FLNB: variants seen among roughly 807,000 people sequenced by gnomAD.
The protein encoded by FLNB is filamin-B.
FLNB carries 111 observed loss-of-function variants against 250.6 expected under a neutral mutation model. That is an observed-to-expected ratio of 0.44 (90% CI 0.38 to 0.52). The LOEUF (loss-of-function observed/expected upper bound fraction) is 0.52, where lower values mean the gene tolerates loss of function less well. Ranked by LOEUF, FLNB falls within the 20% of genes least tolerant of loss-of-function variation. FLNB has a pLI of 0.00. For missense variants in FLNB, 2,869 were observed against 3,447.8 expected (o/e 0.83, Z 4.20); for synonymous variants, 1,302 against 1,372.1 (o/e 0.95, Z 1.13).
At chr3:58,078,872 G>C (rs2097205200) in intron 3 of FLNB, 58 bp downstream of exon 3, 1 of 1,367,816 alleles carries the variant, frequency 7.3e-7, no homozygotes, top group Non-Finnish European at 1.0e-6. Context: ...CTTGTTCTGT[G>C]GATGCCTTCC....
At chr3:58,115,980 G>C (rs1476442785) in intron 18 of FLNB, among the ~76,000 whole-genome samples, 2 of 152,046 alleles carry the variant, frequency 1.3e-5, no homozygotes, top group Non-Finnish European at 2.9e-5. Flanking sequence ...TCCTTAGATT[G>C]AATTTCCTTC....
chr3:58,039,765 A>G (rs2097143423), intron 1 of FLNB, among the ~76,000 whole-genome samples: 1 of 152,118 alleles, frequency 6.6e-6, no homozygotes. Flanking sequence ...GAATATCACC[A>G]TGATTTATTC....
chr3:58,092,642 T>C (rs1337501438), intron 4 of FLNB, among the ~76,000 whole-genome samples: 1 of 151,950 alleles, frequency 6.6e-6, no homozygotes, highest in Non-Finnish European at 1.5e-5. Flanking sequence ...TGAGACTTGG[T>C]CTCAAAACAA....
intron 45 of FLNB, among the ~76,000 whole-genome samples, chr3:58,170,299 A>G (rs2097379991): frequency 2.0e-5 from 3 of 152,154 alleles, no homozygotes; most frequent in South Asian, 4.1e-4. Context: ...TTCGTGAGGT[A>G]TGTGCTGTTC....
rs1192269799 is a variant in FLNB, at chr3:58,168,505, G to A, written c.7264G>A (p.Glu2422Lys). 4.3e-6 allele frequency: 7 copies of A among 1,614,004 alleles called. No homozygotes were observed. Among genetic ancestry groups the A allele is most frequent in the African/African-American group, 1.3e-5 (1 of 74,880 alleles). The change falls in exon 44 of 46, where the codon GAA (glutamate) becomes AAA (lysine). Residue 2422 changes from glutamate (E) to lysine (K), a missense_variant. This residue lies in a region of FLNB where 1,084 missense variants were observed against 1,315.5 expected (regional missense o/e 0.82). Transcript: ENST00000295956. ...TCCAGGGACATTATCCGTCACCATC[G>A]AAGGCCCATCCAAGGTTAAAATGGA... is the stretch of plus-strand genomic sequence containing the variant. ...AGPGTLSVTIEGPSKVKMDCQ... is the reference protein window; with the variant it reads ...AGPGTLSVTIKGPSKVKMDCQ...
chr3:58,016,467 C>CAT (rs200994030), intron 1 of FLNB, among the ~76,000 whole-genome samples: 5,266 of 148,872 alleles, frequency 0.035, 278 homozygotes, highest in African/African-American at 0.12. Context: ...GCCCCTTCCT[C>CAT]ATATATATAT....
chr3:58,117,666 G>A (rs778575066), intron 18 of FLNB, among the ~76,000 whole-genome samples: 3 of 151,086 alleles, frequency 2.0e-5, no homozygotes, highest in Non-Finnish European at 4.5e-5. Context: ...TCCCAGCTCT[G>A]TTGAATTTGA....
intron 26 of FLNB, among the ~76,000 whole-genome samples, chr3:58,133,436 G>GA (rs2097310959): frequency 1.9e-5 from 1 of 51,440 alleles, no homozygotes; most frequent in Non-Finnish European, 2.9e-5. Context: ...TGACATCTCT[G>GA]GAAAAAAAAA....
intron 26 of FLNB, 100 bp from the exon 27 acceptor site, chr3:58,134,516 T>A: frequency 2.2e-6 from 3 of 1,379,900 alleles, no homozygotes; most frequent in Non-Finnish European, 3.1e-6. Flanking sequence ...GCTGTAGAAA[T>A]CCCCTTTTCC....
At chr3:58,017,553 A>C (rs1374576761) in intron 1 of FLNB, among the ~76,000 whole-genome samples, 1 of 152,112 alleles carries the variant, frequency 6.6e-6, no homozygotes, top group Non-Finnish European at 1.5e-5. Flanking sequence ...GCGCCTGGCC[A>C]GTGTCAGGAT....
chr3:58,071,804 C>A (rs1198254407), intron 1 of FLNB, among the ~76,000 whole-genome samples: 1 of 152,100 alleles, frequency 6.6e-6, no homozygotes, highest in African/African-American at 2.4e-5. Flanking sequence ...TGGTTTGGTG[C>A]AGGAATGTAG....
intron 36 of FLNB, chr3:58,149,577 C>A: frequency 2.0e-6 from 1 of 508,450 alleles, no homozygotes; most frequent in Admixed American, 3.2e-5. Flanking sequence ...GCAGTTTGTA[C>A]GGGACACATC....
intron 2 of FLNB, 193 bp from the exon 3 acceptor site, chr3:58,078,524 T>C (rs1203151685): frequency 1.3e-6 from 2 of 1,536,438 alleles, no homozygotes; most frequent in Non-Finnish European, 1.7e-6. Flanking sequence ...GTCTCAGTAA[T>C]GGAGGATAGT....
At position 58,149,098 on chromosome 3, in the gene FLNB, C is replaced by T. The variant is rs77235099; in HGVS notation, c.6091+246C>T. 0.028 allele frequency: 14,696 copies of T among 521,636 alleles called. 340 individuals are homozygous for T. The highest frequency in any genetic ancestry group is 0.053 in the South Asian group (2,587 of 48,430). The allele number at this position is 521,636 out of a possible 1,614,324, so 32.3% of individuals were successfully genotyped here. ...GCCCCCTCTGCACTAGGATCTGAACCCAGAGCCACAACACCTCGCAAACCC... is the reference window on the plus strand; with the variant it reads ...GCCCCCTCTGCACTAGGATCTGAACTCAGAGCCACAACACCTCGCAAACCC... On this transcript the variant is annotated intron_variant, in intron 36 of 45. Transcript: ENST00000295956.
chr3:58,053,985 C>T (rs1017662653), intron 1 of FLNB, among the ~76,000 whole-genome samples: 1 of 152,228 alleles, frequency 6.6e-6, no homozygotes, highest in East Asian at 1.9e-4. Context: ...CTAGAAGGCC[C>T]GTGGCAGGGT....
rs565283134 is a variant in FLNB at position 58,119,052 on chromosome 3, A to G, written c.2863+63A>G. ...ACCCCCCAACGTGGCTGCTGGTTAG[A>G]TTTTCTTCAAAAGGTGAAATTTGCA... On this transcript the variant is annotated intron_variant, in intron 19 of 45. Coordinates refer to ENST00000295956, the MANE Select transcript of FLNB (RefSeq NM_001457.4). The G allele has an allele frequency of 6.2e-5, 75 of 1,206,080 alleles. No homozygotes were observed. In the African/African-American group the frequency reaches 1.0e-3, roughly 16 times the overall value. 74.7% of individuals were successfully genotyped at this position (1,206,080 alleles called of 1,614,324 possible).
At chr3:58,086,209 C>T (rs1043498211) in intron 4 of FLNB, among the ~76,000 whole-genome samples, 2 of 150,256 alleles carry the variant, frequency 1.3e-5, no homozygotes, top group African/African-American at 2.4e-5. Context: ...CCATGTTGCC[C>T]AGGCTGGTCT....
intron 22 of FLNB, 91 bp downstream of exon 22, chr3:58,124,596 G>A: frequency 1.4e-6 from 2 of 1,396,020 alleles, no homozygotes; most frequent in Non-Finnish European, 2.0e-6. Context: ...TGCCCCATGT[G>A]CTAGGCCTGT....
At position 58,170,617 on chromosome 3, in the gene FLNB, C is replaced by A. The variant is rs779527417; in HGVS notation, c.7664C>A (p.Pro2555His). Residue 2555 changes from proline to histidine, a missense_variant, in exon 46 of 46, where the codon CCC becomes CAC. Pro to His is a moderately conservative substitution (Grantham distance 77). Transcript: ENST00000295956. Reference protein sequence around the residue: ...LLIGVHGPTTPCEEVSMKHVG... With the variant: ...LLIGVHGPTTHCEEVSMKHVG... ...ATCGGGGTCCATGGGCCCACCACCC[C>A]CTGCGAGGAGGTCTCCATGAAGCAT... is the stretch of plus-strand genomic sequence containing the variant. 9.3e-6 allele frequency: 15 copies of A among 1,614,170 alleles called. No homozygotes were observed. The highest frequency in any genetic ancestry group is 4.4e-5 in the South Asian group (4 of 91,082).
Sources: gnomAD v4.1 joint callset for allele counts (sites outside exome capture counted in the v4.1 genomes callset) on GRCh38, gnomAD v4.1.1 for gene constraint, gnomAD v4.1.1 regional missense constraint, MANE v1.5 for transcripts, NCBI Gene and HGNC (gene_info 2026-07-23, HGNC 2026-07-21) for gene names.